NBEA: variants seen among roughly 807,000 people sequenced by gnomAD.
The protein encoded by NBEA is neurobeachin.
A neutral mutation model predicts 343.4 loss-of-function variants in NBEA; 44 were observed. That is an observed-to-expected ratio of 0.13 (90% CI 0.10 to 0.16). The LOEUF is 0.16. NBEA is among the 10% of genes least tolerant of loss of function. The pLI is 1.00. For synonymous variants in NBEA, 1,175 were observed against 1,238.7 expected (o/e 0.95, Z 1.08); for missense variants, 2,555 against 3,631.3 (o/e 0.70, Z 7.62).
intron 39 of NBEA, among the ~76,000 whole-genome samples, chr13:35,450,489 A>C (rs2046256528): frequency 6.6e-6 from 1 of 152,074 alleles, no homozygotes; most frequent in Non-Finnish European, 1.5e-5. Context: ...CCTGTCTCAA[A>C]CAACAACAAC....
intron 36 of NBEA, among the ~76,000 whole-genome samples, chr13:35,348,424 G>A (rs1323906491): frequency 1.3e-5 from 2 of 151,892 alleles, no homozygotes; most frequent in Non-Finnish European, 2.9e-5. Flanking sequence ...GGTGACTAGG[G>A]GACATAGTGA....
chr13:35,109,558 CT>C (rs2066082015), intron 12 of NBEA, 116 bp downstream of exon 12: 1 of 977,100 alleles, frequency 1.0e-6, no homozygotes, highest in Non-Finnish European at 1.4e-6. Context: ...TATAGTTAAT[CT>C]GTGGCAATTG....
At chr13:35,093,430 A>G (rs1036139505) in intron 10 of NBEA, among the ~76,000 whole-genome samples, 3 of 151,774 alleles carry the variant, frequency 2.0e-5, no homozygotes, top group Non-Finnish European at 4.4e-5. Flanking sequence ...GAATTGTTTC[A>G]ACTTTGTGTA....
rs1279035814 is a variant in NBEA, at chr13:35,044,956, T to C, written c.536T>C (p.Val179Ala). The change falls in exon 3 of 59, where the codon GTT becomes GCT. Residue 179 changes from valine (V) to alanine (A), a missense_variant. This residue lies in a region of NBEA where 185 missense variants were observed against 290.6 expected (regional missense o/e 0.64). Coordinates refer to ENST00000379939, the MANE Select transcript of NBEA (RefSeq NM_001385012.1). ...TTATTTTCCTTTGAAGATCTTCTAGTTGATATGTTGGGGGTTCTTGCCAGC... is the reference window on the plus strand; with the variant it reads ...TTATTTTCCTTTGAAGATCTTCTAGCTGATATGTTGGGGGTTCTTGCCAGC... ...AVDDMIADLL[V>A]DMLGVLASYS... is the part of the protein sequence containing the mutation. 6.2e-7 allele frequency: 1 copy of C among 1,609,912 alleles called. No homozygotes were observed. Among genetic ancestry groups the C allele is most frequent in the Admixed American group, 1.7e-5 (1 of 59,658 alleles).
intron 49 of NBEA, among the ~76,000 whole-genome samples, chr13:35,639,830 A>G (rs2083857883): frequency 1.3e-5 from 2 of 152,128 alleles, no homozygotes; most frequent in Admixed American, 1.3e-4. Context: ...AAAAGTTTAT[A>G]CAGACCAGGG....
At chr13:35,560,372 A>G (rs2079804594) in intron 44 of NBEA, among the ~76,000 whole-genome samples, 1 of 152,186 alleles carries the variant, frequency 6.6e-6, no homozygotes, top group South Asian at 2.1e-4. Flanking sequence ...CATTTCATCA[A>G]ATTAACCCTT....
At chr13:35,655,446 T>G in intron 54 of NBEA, 133 bp from the exon 55 acceptor site, 1 of 978,442 alleles carries the variant, frequency 1.0e-6, no homozygotes, top group Non-Finnish European at 1.5e-6. Context: ...AGCCCATAGA[T>G]GAACTTTTCA....
At chr13:35,475,485 C>G in intron 41 of NBEA, 1 of 1,612,430 alleles carries the variant, frequency 6.2e-7, no homozygotes, top group Non-Finnish European at 8.5e-7. Flanking sequence ...GCTTGCCGGC[C>G]AAGGAGTGGC....
At chr13:35,644,568 C>G (rs2084127862) in intron 49 of NBEA, among the ~76,000 whole-genome samples, 3 of 152,176 alleles carry the variant, frequency 2.0e-5, no homozygotes, top group Admixed American at 2.0e-4. Context: ...CGGCTCCTCG[C>G]CCCCACTTGT....
intron 1 of NBEA, among the ~76,000 whole-genome samples, chr13:34,989,813 G>T (rs1016054131): frequency 2.7e-5 from 4 of 150,820 alleles, no homozygotes; most frequent in Admixed American, 6.6e-5. Flanking sequence ...ATTTGCCTAT[G>T]AGCCTGTAAA....
At chr13:34,979,941 C>T (rs1285357218) in intron 1 of NBEA, among the ~76,000 whole-genome samples, 1 of 152,086 alleles carries the variant, frequency 6.6e-6, no homozygotes, top group Admixed American at 6.5e-5. Context: ...CCATTTGTTT[C>T]ATCACCACTT....
Position 35,539,792 on chromosome 13 carries a change from T to G in NBEA, c.6586-10685T>G, listed in dbSNP as rs972921002. Among the ~76,000 whole-genome samples the G allele has an allele frequency of 5.3e-5, 8 of 150,966 alleles. No homozygotes were observed. The South Asian group carries it at 1.7e-3, about 32-fold the overall frequency. ...TTAGCCGGGCGTGGTGGCGGGCGCCTGTAGTCCCAGCTACTCCGGAGGCTG... is the reference window on the plus strand; with the variant it reads ...TTAGCCGGGCGTGGTGGCGGGCGCCGGTAGTCCCAGCTACTCCGGAGGCTG... On this transcript the variant is annotated intron_variant, in intron 41 of 58. Transcript: ENST00000379939.
chr13:35,294,503 T>A (rs1430131810), intron 35 of NBEA, among the ~76,000 whole-genome samples: 1 of 152,110 alleles, frequency 6.6e-6, no homozygotes. Flanking sequence ...GTAGATGTTT[T>A]TTCCCCGTTG....
intron 45 of NBEA, among the ~76,000 whole-genome samples, chr13:35,569,818 G>A (rs1043402492): frequency 2.0e-4 from 31 of 152,158 alleles, no homozygotes; most frequent in Non-Finnish European, 7.3e-5. Flanking sequence ...GGACTCAAAT[G>A]TTCTTGAAAC....
intron 1 of NBEA, among the ~76,000 whole-genome samples, chr13:34,989,660 A>G (rs1174681063): frequency 6.6e-6 from 1 of 150,842 alleles, no homozygotes; most frequent in East Asian, 1.9e-4. Context: ...ATATCATTCC[A>G]CACCTAGCCC....
chr13:35,638,655 A>G (rs1171991645), intron 49 of NBEA, among the ~76,000 whole-genome samples: 1 of 152,186 alleles, frequency 6.6e-6, no homozygotes, highest in Non-Finnish European at 1.5e-5. Flanking sequence ...TAGGCCAAGA[A>G]GACTTATTTA....
intron 38 of NBEA, among the ~76,000 whole-genome samples, chr13:35,414,665 A>G (rs1324632417): frequency 6.6e-6 from 1 of 152,144 alleles, no homozygotes; most frequent in Non-Finnish European, 1.5e-5. Context: ...AGTCTTTGCT[A>G]TTGTGAATAG....
chr13:35,616,710 CAA>C (rs1351306762), intron 48 of NBEA, among the ~76,000 whole-genome samples: 5 of 152,166 alleles, frequency 3.3e-5, no homozygotes, highest in Non-Finnish European at 7.4e-5. Context: ...TTCTGAGTAA[CAA>C]TTTTTAAAAT....
chr13:35,233,766 G>A (rs886418498), intron 34 of NBEA, among the ~76,000 whole-genome samples: 1 of 152,004 alleles, frequency 6.6e-6, no homozygotes, highest in Non-Finnish European at 1.5e-5. Context: ...AAATCAATAA[G>A]CATTAAACAA....
Sources: allele counts gnomAD v4.1 joint callset (sites outside exome capture counted in the v4.1 genomes callset), GRCh38; gene constraint gnomAD v4.1.1; regional missense constraint gnomAD v4.1.1; transcripts MANE v1.5; gene names NCBI Gene and HGNC (gene_info 2026-07-23, HGNC 2026-07-21).